The following GTF2A1 variants were observed in gnomAD, a reference collection of about 807,000 sequenced individuals.
GTF2A1 encodes the protein general transcription factor IIA subunit 1.
GTF2A1 carries 12 observed loss-of-function variants against 54.1 expected under a neutral mutation model. The observed-to-expected ratio is 0.22, with a 90% CI of 0.14 to 0.36. GTF2A1 has a LOEUF of 0.36. Ranked by LOEUF, GTF2A1 falls within the 10% of genes least tolerant of loss-of-function variation. The pLI is 1.00. For missense variants in GTF2A1, 335 were observed against 442.2 expected, an observed-to-expected ratio of 0.76 and a Z score of 2.17; for synonymous variants, 145 against 152.0, an observed-to-expected ratio of 0.95 and a Z score of 0.34.
chr14:81,181,912 A>AT (rs1160850306), intron 8 of GTF2A1, among the ~76,000 whole-genome samples: 2 of 152,188 alleles, frequency 1.3e-5, no homozygotes, highest in African/African-American at 4.8e-5. Flanking sequence ...AACATTCTTC[A>AT]TGACATATTC....
intron 2 of GTF2A1, among the ~76,000 whole-genome samples, chr14:81,205,701 C>G (rs991774768): frequency 6.6e-6 from 1 of 152,156 alleles, no homozygotes; most frequent in African/African-American, 2.4e-5. Flanking sequence ...AAAAGGGGAA[C>G]CAACTGAATA....
At chr14:81,206,237 T>A (rs999454774) in intron 2 of GTF2A1, among the ~76,000 whole-genome samples, 1 of 152,172 alleles carries the variant, frequency 6.6e-6, no homozygotes, top group Non-Finnish European at 1.5e-5. Context: ...TAGACTCCCA[T>A]GTAAACGACC....
At chr14:81,206,656 G>A (rs1378317702) in intron 2 of GTF2A1, among the ~76,000 whole-genome samples, 22 of 152,154 alleles carry the variant, frequency 1.4e-4, no homozygotes, top group Non-Finnish European at 2.8e-4. Context: ...TTATTCTGAT[G>A]TATGCTAAAG....
At chr14:81,184,939 T>C (rs1399500595) in intron 8 of GTF2A1, among the ~76,000 whole-genome samples, 1 of 152,068 alleles carries the variant, frequency 6.6e-6, no homozygotes, top group Admixed American at 6.5e-5. Flanking sequence ...GTAACAAAAA[T>C]ACTTGGAAAG....
intron 3 of GTF2A1, 131 bp downstream of exon 3, chr14:81,203,768 GT>G: frequency 5.7e-6 from 4 of 704,198 alleles, no homozygotes; most frequent in Non-Finnish European, 9.8e-6. Flanking sequence ...CAACAGAGGG[GT>G]TTTTGTTTAT....
chr14:81,196,338 G>A, intron 5 of GTF2A1, 97 bp from the exon 6 acceptor site: 1 of 1,253,226 alleles, frequency 8.0e-7, no homozygotes, highest in Non-Finnish European at 1.1e-6. Flanking sequence ...AAAGGCACAA[G>A]AAATTATCAA....
intron 7 of GTF2A1, 57 bp downstream of exon 7, chr14:81,192,462 C>G (rs1892895338): frequency 3.9e-6 from 5 of 1,292,962 alleles, no homozygotes; most frequent in Non-Finnish European, 4.3e-6. Flanking sequence ...AGTGTTGTAC[C>G]AACTAAAAAA....
chr14:81,185,740 T>C, intron 7 of GTF2A1, 120 bp from the exon 8 acceptor site: 1 of 508,456 alleles, frequency 2.0e-6, no homozygotes, highest in Non-Finnish European at 3.5e-6. Context: ...ATGTACGCCA[T>C]GAATTTAATA....
chr14:81,208,133 C>A (rs550179102), intron 2 of GTF2A1, among the ~76,000 whole-genome samples: 23 of 152,306 alleles, frequency 1.5e-4, no homozygotes, highest in African/African-American at 5.5e-4. Flanking sequence ...ACCTTCACTG[C>A]AGCCCCTCCC....
chr14:81,219,494 G>T (rs956322330), intron 1 of GTF2A1, among the ~76,000 whole-genome samples: 1 of 152,230 alleles, frequency 6.6e-6, no homozygotes, highest in Non-Finnish European at 1.5e-5. Flanking sequence ...GCCAAAGGGA[G>T]GAGGACCACA....
Position 81,179,579 on chromosome 14 carries a change from T to G in GTF2A1, c.*644A>C, listed in dbSNP as rs1892597331. 6.6e-6 allele frequency: 1 copy of G among 152,178 alleles called. No homozygotes were observed. Among genetic ancestry groups the G allele is most frequent in the Non-Finnish European group, 1.5e-5 (1 of 68,024 alleles). 9.4% of individuals were successfully genotyped at this position (152,178 alleles called of 1,614,324 possible). ...ATGAAAACCTAATTAAAATAAATAT[T>G]CATTCCTGGGTCAAATTTTATCTCC... is the stretch of plus-strand genomic sequence containing the variant. On this transcript the variant is annotated 3_prime_UTR_variant, in exon 9 of 9. Coordinates refer to ENST00000553612, the MANE Select transcript of GTF2A1 (RefSeq NM_015859.4).
intron 1 of GTF2A1, 99 bp from the exon 2 acceptor site, chr14:81,216,613 A>T (rs937570635): frequency 1.6e-6 from 1 of 622,974 alleles, no homozygotes. Context: ...CATTTTGCCA[A>T]CTATCTATAT....
intron 7 of GTF2A1, among the ~76,000 whole-genome samples, chr14:81,190,066 T>C (rs2140152050): frequency 6.6e-6 from 1 of 152,086 alleles, no homozygotes; most frequent in African/African-American, 2.4e-5. Flanking sequence ...GATTCTGGCA[T>C]CAAAAAGACA....
At chr14:81,206,380 ACTCTTGAGTTTC>A (rs1416442157) in intron 2 of GTF2A1, among the ~76,000 whole-genome samples, 1 of 152,026 alleles carries the variant, frequency 6.6e-6, no homozygotes, top group Non-Finnish European at 1.5e-5. Flanking sequence ...TAGTGACTCA[ACTCTTGAGTTTC>A]CTGCATCAAG....
In GTF2A1 at chr14:81,192,573, A is replaced by G; in HGVS notation, c.879T>C (p.Asp293=). Residue 293 remains aspartate, a synonymous_variant, in exon 7 of 9, where the codon GAT becomes GAC. Transcript: ENST00000553612. ...CTTTCTCTTTGTCTTCCTCCTCATC[A>G]TCATCATAGTCTTCTTCTTCATCTT... is the stretch of plus-strand genomic sequence containing the variant. ...EDEDEEEDYD[D]DEEEDKEKDG... is the part of the protein sequence containing the mutation. 5.0e-6 allele frequency: 8 copies of G among 1,613,584 alleles called. No homozygotes were observed. The highest frequency in any genetic ancestry group is 6.8e-6 in the Non-Finnish European group (8 of 1,179,596).
chr14:81,214,414 G>A (rs1419579909), intron 2 of GTF2A1, among the ~76,000 whole-genome samples: 1 of 152,104 alleles, frequency 6.6e-6, no homozygotes, highest in Admixed American at 6.5e-5. Flanking sequence ...GGGAGGCCGA[G>A]GTGGGGGGAT....
Position 81,220,662 on chromosome 14 carries a change from AAGGAGT to A in GTF2A1, c.-150_-145del. 1 of 524,778 alleles carries A rather than the reference AAGGAGT, an allele frequency of 1.9e-6. No individual in the cohort carries two copies. The highest frequency in any genetic ancestry group is 2.7e-5 in the South Asian group (1 of 37,488). 32.5% of individuals were successfully genotyped at this position (524,778 alleles called of 1,614,324 possible). ...AAAATTTTAAACAAAATCAATCCTG[AAGGAGT>A]AGGGGAGAGCGGAGAGAGGAGGAGG... On this transcript the variant is annotated 5_prime_UTR_variant, in exon 1 of 9. Coordinates refer to ENST00000553612, the MANE Select transcript of GTF2A1 (RefSeq NM_015859.4).
intron 2 of GTF2A1, among the ~76,000 whole-genome samples, chr14:81,216,127 C>T (rs974607852): frequency 2.0e-5 from 3 of 152,230 alleles, no homozygotes; most frequent in Non-Finnish European, 4.4e-5. Flanking sequence ...GCTAATGCTA[C>T]TATCAAGCAT....
chr14:81,190,467 G>A (rs539293170), intron 7 of GTF2A1, among the ~76,000 whole-genome samples: 18 of 152,154 alleles, frequency 1.2e-4, no homozygotes, highest in Non-Finnish European at 1.0e-4. Context: ...TGATCAAGTT[G>A]TGCTATCCCA....
Sources: gnomAD v4.1 joint callset for allele counts (sites outside exome capture counted in the v4.1 genomes callset) on GRCh38, gnomAD v4.1.1 for gene constraint, MANE v1.5 for transcripts, NCBI Gene and HGNC (gene_info 2026-07-23, HGNC 2026-07-21) for gene names.